Variants in VPS13B observed in about 807,000 individuals in gnomAD.
VPS13B encodes the protein intermembrane lipid transfer protein VPS13B.
A neutral mutation model predicts 426.4 loss-of-function variants in VPS13B; 285 were observed. The ratio of observed to expected loss-of-function variants is 0.67; its 90% confidence interval spans 0.61 to 0.74. The LOEUF is 0.74. Among genes scored for constraint, VPS13B ranks in the 30% least tolerant of loss-of-function variants. The probability of loss-of-function intolerance (pLI) is 0.00; values close to 1 mark genes in which losing one functional copy is unlikely to be tolerated. For missense variants in VPS13B, 4,537 were observed against 4,782.6 expected, an observed-to-expected ratio of 0.95 and a Z score of 1.51; for synonymous variants, 1,676 against 1,676.4, an observed-to-expected ratio of 1.00 and a Z score of 0.01.
intron 19 of VPS13B, among the ~76,000 whole-genome samples, chr8:99,357,213 T>A (rs1016264413): frequency 6.6e-6 from 1 of 152,188 alleles, no homozygotes; most frequent in African/African-American, 2.4e-5. Context: ...TATTCAGACC[T>A]CTATCTCCAG....
intron 21 of VPS13B, among the ~76,000 whole-genome samples, chr8:99,413,256 G>C (rs529935566): frequency 6.6e-6 from 1 of 152,036 alleles, no homozygotes; most frequent in Non-Finnish European, 1.5e-5. Flanking sequence ...GGTCTATTCA[G>C]GGATTCAACT....
At chr8:99,150,574 A>G (rs1401145751) in intron 14 of VPS13B, among the ~76,000 whole-genome samples, 3 of 152,212 alleles carry the variant, frequency 2.0e-5, no homozygotes, top group Non-Finnish European at 4.4e-5. Flanking sequence ...GCAACCACTG[A>G]TCTTTTTACT....
At chr8:99,681,175 A>T (rs1245456203) in intron 35 of VPS13B, among the ~76,000 whole-genome samples, 1 of 152,236 alleles carries the variant, frequency 6.6e-6, no homozygotes, top group East Asian at 1.9e-4. Context: ...ATACAACAAT[A>T]AACAGTGCTG....
intron 23 of VPS13B, among the ~76,000 whole-genome samples, chr8:99,451,230 A>G (rs1563737219): frequency 6.6e-6 from 1 of 152,166 alleles, no homozygotes; most frequent in Non-Finnish European, 1.5e-5. Flanking sequence ...TTTAATTCCT[A>G]AAACCTAGGC....
At chr8:99,374,204 G>A (rs940711838) in intron 19 of VPS13B, among the ~76,000 whole-genome samples, 2 of 148,076 alleles carry the variant, frequency 1.4e-5, no homozygotes, top group South Asian at 2.1e-4. Flanking sequence ...TTCTGTGTTT[G>A]GTTTTCTGCT....
chr8:99,387,576 A>G (rs1203651795), intron 20 of VPS13B, among the ~76,000 whole-genome samples: 3 of 152,120 alleles, frequency 2.0e-5, no homozygotes, highest in Non-Finnish European at 4.4e-5. Context: ...ACAGTTTGGC[A>G]TACTTAAAAA....
chr8:99,292,642 T>G (rs1819794597), intron 19 of VPS13B, among the ~76,000 whole-genome samples: 1 of 152,148 alleles, frequency 6.6e-6, no homozygotes, highest in Admixed American at 6.6e-5. Context: ...ATGTTTCTAC[T>G]TTGCTCAGGT....
chr8:99,131,213 A>T (rs1359382279), intron 8 of VPS13B, among the ~76,000 whole-genome samples: 1 of 152,146 alleles, frequency 6.6e-6, no homozygotes, highest in Non-Finnish European at 1.5e-5. Context: ...AGTTTCCCTT[A>T]TTGTTATGTT....
At chr8:99,865,268 A>G (rs941793738) in intron 58 of VPS13B, among the ~76,000 whole-genome samples, 4 of 152,232 alleles carry the variant, frequency 2.6e-5, no homozygotes, top group African/African-American at 9.6e-5. Flanking sequence ...CTGAGAAAGG[A>G]CGTGCAGCTC....
chr8:99,570,416 A>G (rs1825414086), intron 31 of VPS13B, among the ~76,000 whole-genome samples: 1 of 152,078 alleles, frequency 6.6e-6, no homozygotes, highest in Non-Finnish European at 1.5e-5. Context: ...GAATTTTCTC[A>G]AATCTATATT....
At chr8:99,367,906 G>A (rs940777575) in intron 19 of VPS13B, among the ~76,000 whole-genome samples, 2 of 151,936 alleles carry the variant, frequency 1.3e-5, no homozygotes, top group African/African-American at 2.4e-5. Flanking sequence ...CACCCACCTT[G>A]GCCTCCCAAA....
intron 30 of VPS13B, among the ~76,000 whole-genome samples, chr8:99,547,392 T>C (rs1202408162): frequency 6.6e-6 from 1 of 152,108 alleles, no homozygotes. Context: ...TATGTAGACA[T>C]TTAATTTAAT....
chr8:99,648,751 T>C (rs1829692042), intron 34 of VPS13B, among the ~76,000 whole-genome samples: 2 of 152,180 alleles, frequency 1.3e-5, no homozygotes, highest in South Asian at 4.1e-4. Flanking sequence ...TCAGTAATCT[T>C]ATATATTTTA....
intron 30 of VPS13B, among the ~76,000 whole-genome samples, chr8:99,530,728 C>T (rs1822889228): frequency 6.6e-6 from 1 of 152,014 alleles, no homozygotes; most frequent in Non-Finnish European, 1.5e-5. Context: ...CAATGCAATG[C>T]CTACATCTCG....
intron 43 of VPS13B, among the ~76,000 whole-genome samples, chr8:99,808,806 AAAG>A (rs200703691): frequency 0.019 from 2,882 of 152,064 alleles, 93 homozygotes; most frequent in African/African-American, 0.066. Context: ...CAAAAAAAAA[AAAG>A]AACAAATACA....
chr8:99,129,652 C>G (rs965189786), intron 8 of VPS13B, among the ~76,000 whole-genome samples: 2 of 150,404 alleles, frequency 1.3e-5, no homozygotes, highest in Non-Finnish European at 3.0e-5. Flanking sequence ...GAATAAAGCA[C>G]TTATTTTTGT....
chr8:99,658,433 T>C (rs1433298614), intron 34 of VPS13B, among the ~76,000 whole-genome samples: 2 of 152,202 alleles, frequency 1.3e-5, no homozygotes, highest in Non-Finnish European at 2.9e-5. Flanking sequence ...ATGCTTAACC[T>C]GCTTGCTTTT....
At chr8:99,640,058 A>AGAAGAAGAAGAAGAAG (rs1400114054) in intron 33 of VPS13B, among the ~76,000 whole-genome samples, 11 of 68,430 alleles carry the variant, frequency 1.6e-4, no homozygotes, top group African/African-American at 4.5e-4. Flanking sequence ...AGAGAAAAGA[A>AGAAGAAGAAGAAGAAG]AAGAAAAGAA....
chr8:99,259,931 A>G (rs942977716), intron 17 of VPS13B, among the ~76,000 whole-genome samples: 1 of 152,146 alleles, frequency 6.6e-6, no homozygotes, highest in African/African-American at 2.4e-5. Context: ...AACTTCTGCA[A>G]TGTCAGATAA....
Sources: gnomAD v4.1 joint callset for allele counts (sites outside exome capture counted in the v4.1 genomes callset) on GRCh38, gnomAD v4.1.1 for gene constraint, MANE v1.5 for transcripts, NCBI Gene and HGNC (gene_info 2026-07-23, HGNC 2026-07-21) for gene names.